MALRD1: variants seen among roughly 807,000 people sequenced by gnomAD.
The protein encoded by MALRD1 is MAM and LDL receptor class A domain containing 1, also known as MAM and LDL-receptor class A domain-containing protein 1.
Under a neutral mutation model 242.1 loss-of-function variants are expected in MALRD1, and 247 were observed. That is an observed-to-expected ratio of 1.02 (90% CI 0.92 to 1.13). The LOEUF is 1.13. Ranked by LOEUF, MALRD1 falls within the 50% of genes most tolerant of loss-of-function variation. MALRD1 has a pLI of 0.00. For missense variants in MALRD1, 2,989 were observed against 2,533.1 expected (o/e 1.18, Z -3.86); for synonymous variants, 995 against 866.6 (o/e 1.15, Z -2.60).
intron 29 of MALRD1, among the ~76,000 whole-genome samples, chr10:19,458,823 G>T (rs7080026): frequency 0.048 from 7,225 of 151,980 alleles, 561 homozygotes; most frequent in African/African-American, 0.16. Context: ...ATCTACATCT[G>T]CCTCATCTTC....
Position 19,188,404 on chromosome 10 carries a change from G to C in MALRD1, c.1951+13076G>C, listed in dbSNP as rs193045894. Among the ~76,000 whole-genome samples the C allele has an allele frequency of 2.8e-3, 429 of 152,290 alleles. 2 individuals are homozygous for C. The highest frequency in any genetic ancestry group is 9.8e-3 in the African/African-American group (407 of 41,576). On this transcript the variant is annotated intron_variant, in intron 14 of 39. Transcript: ENST00000454679. Reference sequence around the variant, plus strand: ...TTGATTGGATGTTTTCAAGAAATAGGATAATTCTGTGATTGTATATCTGAA... The same window carrying C: ...TTGATTGGATGTTTTCAAGAAATAGCATAATTCTGTGATTGTATATCTGAA...
chr10:19,210,624 G>A (rs1837008110), intron 18 of MALRD1, among the ~76,000 whole-genome samples: 1 of 152,126 alleles, frequency 6.6e-6, no homozygotes, highest in Admixed American at 6.5e-5. Flanking sequence ...CAAATTTAAA[G>A]CACTATATCT....
intron 33 of MALRD1, among the ~76,000 whole-genome samples, chr10:19,569,609 T>C (rs1836416887): frequency 6.7e-6 from 1 of 148,798 alleles, no homozygotes; most frequent in African/African-American, 2.4e-5. Flanking sequence ...CAGTCATTCT[T>C]TGCTCTGTCT....
intron 36 of MALRD1, among the ~76,000 whole-genome samples, chr10:19,666,082 C>G (rs116912306): frequency 0.013 from 1,969 of 152,230 alleles, 27 homozygotes; most frequent in Non-Finnish European, 0.017. Context: ...CCTCCTCTTT[C>G]AAAGCCACAA....
intron 5 of MALRD1, among the ~76,000 whole-genome samples, chr10:19,115,214 A>G (rs1457614098): frequency 1.3e-5 from 2 of 152,072 alleles, no homozygotes; most frequent in Non-Finnish European, 2.9e-5. Context: ...AACCAGAAGA[A>G]AGTTTCTTAC....
intron 32 of MALRD1, among the ~76,000 whole-genome samples, chr10:19,558,192 G>C (rs914658565): frequency 6.6e-6 from 1 of 152,006 alleles, no homozygotes; most frequent in Non-Finnish European, 1.5e-5. Context: ...TGTCATCTAT[G>C]AACAGTTTTA....
In MALRD1 at chr10:19,430,466, CATTTCAAGTGCTACACACTTTAT is replaced by C. The variant is rs530637224; in HGVS notation, c.4846-19837_4846-19815del. ...GGTATCCTGTTCACCTTCCGAGGCC[CATTTCAAGTGCTACACACTTTAT>C]ATTACACCTTGCTAATTTCATACAG... On this transcript the variant is annotated intron_variant, in intron 28 of 39. Transcript: ENST00000454679. Among the ~76,000 whole-genome samples, 86 of 152,068 alleles carry C rather than the reference CATTTCAAGTGCTACACACTTTAT, an allele frequency of 5.7e-4. No homozygotes were observed. The East Asian group carries it at 0.013, about 22-fold the overall frequency.
chr10:19,236,119 T>G, intron 18 of MALRD1, among the ~76,000 whole-genome samples: 1 of 152,072 alleles, frequency 6.6e-6, no homozygotes, highest in East Asian at 1.9e-4. Context: ...ATTTTATGAA[T>G]AAAAAAAATT....
intron 34 of MALRD1, 43 bp from the exon 35 acceptor site, chr10:19,607,734 A>T: frequency 6.6e-7 from 1 of 1,524,906 alleles, no homozygotes; most frequent in African/African-American, 1.4e-5. Context: ...GACAAAAAAA[A>T]ATCATGCTGG....
intron 21 of MALRD1, among the ~76,000 whole-genome samples, chr10:19,287,765 C>A (rs551907552): frequency 2.0e-5 from 3 of 152,204 alleles, no homozygotes; most frequent in African/African-American, 7.2e-5. Flanking sequence ...GAAGACAACT[C>A]ACCTAACAAT....
intron 5 of MALRD1, among the ~76,000 whole-genome samples, chr10:19,121,306 C>T (rs1837056025): frequency 6.6e-6 from 1 of 152,134 alleles, no homozygotes; most frequent in Non-Finnish European, 1.5e-5. Flanking sequence ...CTCCCAAGTG[C>T]TGGGATTACA....
chr10:19,507,315 A>G, intron 31 of MALRD1, among the ~76,000 whole-genome samples: 1 of 152,160 alleles, frequency 6.6e-6, no homozygotes, highest in Non-Finnish European at 1.5e-5. Context: ...GTAGGAGTTC[A>G]TTAGTCTATT....
At position 19,148,784 on chromosome 10, in the gene MALRD1, A is replaced by AT. The variant is rs1309198981; in HGVS notation, c.1558+2440_1558+2441insT. On this transcript the variant is annotated intron_variant, in intron 11 of 39. Coordinates refer to ENST00000454679, the MANE Select transcript of MALRD1 (RefSeq NM_001142308.3). ...TAGAAAGGGCCAATTAAAAAAAAAA[A>AT]AAAAATATATATATATATATATATA... Among the ~76,000 whole-genome samples the AT allele has an allele frequency of 3.8e-3, 246 of 63,916 alleles. 1 individual carries two copies. Among genetic ancestry groups the AT allele is most frequent in the African/African-American group, 8.4e-3 (157 of 18,652 alleles). 41.9% of individuals were successfully genotyped at this position (63,916 alleles called of 152,430 possible).
chr10:19,062,555 A>G (rs1185861497), intron 1 of MALRD1, among the ~76,000 whole-genome samples: 1 of 152,240 alleles, frequency 6.6e-6, no homozygotes, highest in East Asian at 1.9e-4. Flanking sequence ...TGAATGGATA[A>G]ACCAAATTTT....
intron 21 of MALRD1, among the ~76,000 whole-genome samples, chr10:19,291,243 G>A (rs1429251284): frequency 1.3e-5 from 2 of 152,122 alleles, no homozygotes; most frequent in African/African-American, 2.4e-5. Flanking sequence ...GAATACCTAT[G>A]TGTATTCTAG....
At chr10:19,390,905 T>A (rs1220118687) in intron 28 of MALRD1, among the ~76,000 whole-genome samples, 1 of 152,188 alleles carries the variant, frequency 6.6e-6, no homozygotes, top group Non-Finnish European at 1.5e-5. Flanking sequence ...TATTTAAAGA[T>A]GGAAACTTAC....
intron 26 of MALRD1, among the ~76,000 whole-genome samples, chr10:19,386,291 C>T (rs898102651): frequency 2.0e-5 from 3 of 152,076 alleles, no homozygotes; most frequent in Non-Finnish European, 4.4e-5. Flanking sequence ...CTCTGACCCA[C>T]ATCAACCCTC....
intron 38 of MALRD1, among the ~76,000 whole-genome samples, chr10:19,709,492 C>G (rs1834012780): frequency 6.6e-6 from 1 of 151,908 alleles, no homozygotes; most frequent in African/African-American, 2.4e-5. Flanking sequence ...TTGTGTTGCC[C>G]AAAGTTAATC....
chr10:19,232,964 C>T (rs1462567646), intron 18 of MALRD1, among the ~76,000 whole-genome samples: 1 of 152,154 alleles, frequency 6.6e-6, no homozygotes, highest in Non-Finnish European at 1.5e-5. Context: ...CTAATTCTTT[C>T]TGCTAGATCC....
Sources: allele counts gnomAD v4.1 joint callset (sites outside exome capture counted in the v4.1 genomes callset), GRCh38; gene constraint gnomAD v4.1.1; transcripts MANE v1.5; gene names NCBI Gene and HGNC (gene_info 2026-07-23, HGNC 2026-07-21).